Variants in XPR1 observed in about 807,000 individuals in gnomAD.
The protein encoded by XPR1 is solute carrier family 53 member 1.
In XPR1, 28 loss-of-function variants were observed where a neutral mutation model predicts 87.5. The observed-to-expected ratio is 0.32, with a 90% CI of 0.24 to 0.44. XPR1 has a LOEUF of 0.44. Ranked by LOEUF, XPR1 falls within the 20% of genes least tolerant of loss-of-function variation. XPR1 has a pLI of 1.00. For synonymous variants in XPR1, 300 were observed against 306.1 expected (o/e 0.98, Z 0.21); for missense variants, 559 against 862.3 (o/e 0.65, Z 4.41).
intron 1 of XPR1, among the ~76,000 whole-genome samples, chr1:180,636,347 G>A (rs1329339738): frequency 6.6e-6 from 1 of 152,228 alleles, no homozygotes; most frequent in Non-Finnish European, 1.5e-5. Flanking sequence ...GTATAGTATA[G>A]TGTGTTTAAG....
chr1:180,668,332 T>G (rs1297945325), intron 1 of XPR1, among the ~76,000 whole-genome samples: 1 of 151,924 alleles, frequency 6.6e-6, no homozygotes, highest in Non-Finnish European at 1.5e-5. Context: ...TTTCACCATG[T>G]TGGCCAGGCT....
At chr1:180,786,042 C>T (rs1302820380) in intron 2 of XPR1, among the ~76,000 whole-genome samples, 1 of 151,790 alleles carries the variant, frequency 6.6e-6, no homozygotes, top group East Asian at 1.9e-4. Context: ...GCAGCTATAG[C>T]CCTTATTGTA....
At chr1:180,642,213 G>C (rs1654983070) in intron 1 of XPR1, among the ~76,000 whole-genome samples, 1 of 152,120 alleles carries the variant, frequency 6.6e-6, no homozygotes, top group African/African-American at 2.4e-5. Context: ...ATGAAAGCAA[G>C]ACTCAGGAAG....
At chr1:180,733,958 C>A (rs1386536426) in intron 2 of XPR1, among the ~76,000 whole-genome samples, 1 of 152,142 alleles carries the variant, frequency 6.6e-6, no homozygotes, top group African/African-American at 2.4e-5. Flanking sequence ...ATTTTCGTAA[C>A]AATCCTTTGA....
rs1650787747 is a variant in XPR1, at chr1:180,825,279, T to G, written c.1069T>G (p.Phe357Val). 3 of 1,613,972 alleles carry G rather than the reference T, an allele frequency of 1.9e-6. No individual in the cohort carries two copies. The highest frequency in any genetic ancestry group is 1.3e-5 in the African/African-American group (1 of 74,926). Reference protein sequence around the residue: ...YPLALYGFMVFFLINPTKTFY... With the variant: ...YPLALYGFMVVFLINPTKTFY... ...ACTTGCCCTTTATGGATTTATGGTT[T>G]TCTTCCTTATCAACCCCACCAAAAC... The change falls in exon 9 of 15, where the codon TTC (phenylalanine) becomes GTC (valine). Residue 357 changes from phenylalanine (F) to valine (V), a missense_variant. By Grantham distance (50) the Phe-to-Val change is conservative. Around this residue, in one of 7 missense-constraint regions of XPR1, gnomAD observed 264 missense variants for 377.2 expected, o/e 0.70. Transcript: ENST00000367590.
At chr1:180,714,401 CT>C (rs1370841206) in intron 2 of XPR1, among the ~76,000 whole-genome samples, 1 of 116,254 alleles carries the variant, frequency 8.6e-6, no homozygotes, top group African/African-American at 3.5e-5. Context: ...CTCTCTCTCT[CT>C]GTCGTCTGTC....
intron 1 of XPR1, among the ~76,000 whole-genome samples, chr1:180,654,553 AAAC>A (rs745727050): frequency 2.3e-4 from 35 of 152,210 alleles, no homozygotes; most frequent in Middle Eastern, 3.4e-3. Context: ...CTTTCCTCTT[AAAC>A]AACAACTCCC....
chr1:180,878,139 C>G (rs981849299), intron 13 of XPR1: 1 of 152,324 alleles, frequency 6.6e-6, no homozygotes, highest in African/African-American at 2.4e-5. Context: ...TTCCCCCACC[C>G]ACTTCTTTCT....
chr1:180,667,640 C>G (rs368782342), intron 1 of XPR1, among the ~76,000 whole-genome samples: 23 of 152,098 alleles, frequency 1.5e-4, no homozygotes, highest in African/African-American at 5.6e-4. Context: ...AGCATTTCCT[C>G]CTGTTCAGTT....
At chr1:180,693,364 T>TA in intron 2 of XPR1, among the ~76,000 whole-genome samples, 1 of 152,262 alleles carries the variant, frequency 6.6e-6, no homozygotes, top group East Asian at 1.9e-4. Context: ...TTTCCAGTAT[T>TA]AGGTATCATT....
At chr1:180,714,886 T>C (rs1657935962) in intron 2 of XPR1, among the ~76,000 whole-genome samples, 1 of 152,176 alleles carries the variant, frequency 6.6e-6, no homozygotes, top group African/African-American at 2.4e-5. Flanking sequence ...TATACAGTAG[T>C]ATGCTATTTA....
chr1:180,704,762 A>G (rs958279791), intron 2 of XPR1, among the ~76,000 whole-genome samples: 15 of 136,260 alleles, frequency 1.1e-4, no homozygotes, highest in Middle Eastern at 4.5e-3. Context: ...CTTGACATAT[A>G]TATTTCCAGC....
intron 1 of XPR1, among the ~76,000 whole-genome samples, chr1:180,656,750 C>CT (rs1430516472): frequency 1.4e-5 from 2 of 140,910 alleles, no homozygotes; most frequent in Non-Finnish European, 3.0e-5. Context: ...TTGACAGACA[C>CT]TTGGGTTGCT....
At chr1:180,843,563 G>GT (rs1440228510) in intron 11 of XPR1, among the ~76,000 whole-genome samples, 10 of 151,924 alleles carry the variant, frequency 6.6e-5, no homozygotes, top group Non-Finnish European at 1.2e-4. Context: ...TTCTTGAGTG[G>GT]TTTTTATCTA....
intron 2 of XPR1, among the ~76,000 whole-genome samples, chr1:180,694,842 CTT>C (rs1346517864): frequency 3.3e-5 from 5 of 151,976 alleles, no homozygotes; most frequent in African/African-American, 7.3e-5. Flanking sequence ...GATTCCATAT[CTT>C]GGCTATTGTG....
In XPR1 at chr1:180,880,118, G is replaced by A; in HGVS notation, c.1851G>A (p.Leu617=). 6.2e-7 allele frequency: 1 copy of A among 1,614,164 alleles called. No homozygotes were observed. The change falls in exon 14 of 15, where the codon CTG becomes CTA. Residue 617 remains leucine (L), a synonymous_variant. Transcript: ENST00000367590. ...TCTTCCGCCTGGAGAATGAACATCT[G>A]AATAACTGTGGTGAATTCCGTGCTG... is the stretch of plus-strand genomic sequence containing the variant. ...WNFFRLENEH[L]NNCGEFRAVR...
At chr1:180,721,999 C>T (rs1658193252) in intron 2 of XPR1, among the ~76,000 whole-genome samples, 1 of 151,966 alleles carries the variant, frequency 6.6e-6, no homozygotes, top group African/African-American at 2.4e-5. Flanking sequence ...TTGGTGGCTC[C>T]TGCCTGTAAT....
At chr1:180,739,885 C>T (rs771380206) in intron 2 of XPR1, among the ~76,000 whole-genome samples, 3 of 151,932 alleles carry the variant, frequency 2.0e-5, no homozygotes, top group Non-Finnish European at 2.9e-5. Flanking sequence ...AGACTATAGG[C>T]GCTTTTGATG....
intron 2 of XPR1, among the ~76,000 whole-genome samples, chr1:180,744,239 A>G (rs1160132550): frequency 6.6e-6 from 1 of 151,870 alleles, no homozygotes; most frequent in Non-Finnish European, 1.5e-5. Flanking sequence ...TTGCTCTGTC[A>G]TCTCTATTCT....
Sources: gnomAD v4.1 joint callset for allele counts (sites outside exome capture counted in the v4.1 genomes callset) on GRCh38, gnomAD v4.1.1 for gene constraint, gnomAD v4.1.1 regional missense constraint, MANE v1.5 for transcripts, NCBI Gene and HGNC (gene_info 2026-07-23, HGNC 2026-07-21) for gene names.